The following ASCC2 variants were observed in gnomAD, a reference collection of about 807,000 sequenced individuals.
The protein encoded by ASCC2 is ASC-1 complex subunit P100.
Under a neutral mutation model 93.5 loss-of-function variants are expected in ASCC2, and 42 were observed. The ratio of observed to expected loss-of-function variants is 0.45; its 90% CI spans 0.35 to 0.58. ASCC2 has a LOEUF of 0.58. ASCC2 is among the 20% of genes least tolerant of loss of function. ASCC2 has a pLI of 0.00. For synonymous variants in ASCC2, 364 were observed against 384.2 expected, an observed-to-expected ratio of 0.95 and a Z score of 0.62; for missense variants, 859 against 977.6, an observed-to-expected ratio of 0.88 and a Z score of 1.62.
intron 2 of ASCC2, among the ~76,000 whole-genome samples, chr22:29,829,624 G>A (rs1195034194): frequency 3.9e-5 from 6 of 151,948 alleles, no homozygotes; most frequent in East Asian, 1.9e-4. Context: ...ACTTGAACCC[G>A]GGAGGCGGAG....
At chr22:29,808,685 T>C (rs1038554320) in intron 8 of ASCC2, among the ~76,000 whole-genome samples, 1 of 151,522 alleles carries the variant, frequency 6.6e-6, no homozygotes, top group Admixed American at 6.6e-5. Context: ...TAGCCAGGCA[T>C]GGTGGTCCAC....
intron 2 of ASCC2, among the ~76,000 whole-genome samples, chr22:29,826,897 AC>A (rs1192498096): frequency 2.6e-5 from 4 of 151,916 alleles, no homozygotes; most frequent in Non-Finnish European, 5.9e-5. Flanking sequence ...GGAGATCGAG[AC>A]CATCCTGGCT....
intron 19 of ASCC2, 30 bp downstream of exon 19, chr22:29,790,438 TC>T: frequency 1.2e-6 from 2 of 1,611,282 alleles, no homozygotes; most frequent in Non-Finnish European, 1.7e-6. Flanking sequence ...GTGGGAGGGG[TC>T]CCCCCAGAAG....
intron 13 of ASCC2, among the ~76,000 whole-genome samples, chr22:29,803,073 C>T (rs2059277769): frequency 6.6e-6 from 1 of 151,758 alleles, no homozygotes; most frequent in Non-Finnish European, 1.5e-5. Context: ...ATGGTGAAAC[C>T]CCATCTCTGC....
intron 8 of ASCC2, among the ~76,000 whole-genome samples, chr22:29,812,647 C>T (rs1032440879): frequency 6.6e-6 from 1 of 152,154 alleles, no homozygotes; most frequent in African/African-American, 2.4e-5. Context: ...GTGTCCCCAC[C>T]CTCTGCCTCA....
intron 5 of ASCC2, among the ~76,000 whole-genome samples, chr22:29,820,570 G>C (rs1015125774): frequency 2.8e-4 from 43 of 152,020 alleles, no homozygotes; most frequent in Non-Finnish European, 1.2e-4. Flanking sequence ...TCTGGTAACT[G>C]CTTTCCTGCT....
At chr22:29,806,106 A>G in intron 12 of ASCC2, 110 bp downstream of exon 12, 2 of 1,233,894 alleles carry the variant, frequency 1.6e-6, no homozygotes, top group South Asian at 2.5e-5. Context: ...TGGCTGACCC[A>G]TGCGTTCTGG....
chr22:29,809,540 G>T (rs2060059511), intron 8 of ASCC2, among the ~76,000 whole-genome samples: 1 of 152,038 alleles, frequency 6.6e-6, no homozygotes, highest in South Asian at 2.1e-4. Context: ...AGCACTGTGG[G>T]AGGCTGAGGT....
Position 29,790,544 on chromosome 22 carries a change from T to C in ASCC2, c.2027A>G (p.Asp676Gly). ...DDADEEAPKP[D>G]HFVQDPAVLR... Reference sequence around the variant, plus strand: ...CACTGCAGGGTCCTGAACAAAATGGTCGGGCTGTGGAAAGGAGAGGAGACC... The same window carrying C: ...CACTGCAGGGTCCTGAACAAAATGGCCGGGCTGTGGAAAGGAGAGGAGACC... The change falls in exon 19 of 20, where the codon GAC (aspartate) becomes GGC (glycine). Residue 676 changes from aspartate (D) to glycine (G), a missense_variant. Physicochemically the swap from Asp to Gly is moderately conservative, Grantham distance 94. Coordinates refer to ENST00000307790, the MANE Select transcript of ASCC2 (RefSeq NM_032204.5). 6 of 1,613,978 alleles carry C rather than the reference T, an allele frequency of 3.7e-6. No individual in the cohort carries two copies. Among genetic ancestry groups the C allele is most frequent in the Non-Finnish European group, 5.1e-6 (6 of 1,179,994 alleles).
intron 8 of ASCC2, 81 bp from the exon 9 acceptor site, chr22:29,808,266 G>A: frequency 7.2e-7 from 1 of 1,389,182 alleles, no homozygotes; most frequent in Non-Finnish European, 1.0e-6. Flanking sequence ...AAACCCCAGG[G>A]AGTGGGAAGG....
intron 19 of ASCC2, 78 bp from the exon 20 acceptor site, chr22:29,789,262 G>T: frequency 6.5e-7 from 1 of 1,542,836 alleles, no homozygotes. Flanking sequence ...AGCCTGCCTT[G>T]GTGTTCACTG....
chr22:29,797,436 A>G (rs948231172), intron 15 of ASCC2, among the ~76,000 whole-genome samples: 7 of 152,212 alleles, frequency 4.6e-5, no homozygotes, highest in Non-Finnish European at 1.0e-4. Flanking sequence ...GGATCCAGAG[A>G]GGCAGAGCAA....
intron 2 of ASCC2, among the ~76,000 whole-genome samples, chr22:29,828,934 G>A (rs899308164): frequency 2.0e-5 from 3 of 152,102 alleles, no homozygotes; most frequent in Admixed American, 1.3e-4. Context: ...CAGCACTTTC[G>A]GAGGCCAAGT....
At chr22:29,822,229 A>G (rs1190772810) in intron 5 of ASCC2, 106 bp downstream of exon 5, 29 of 1,469,184 alleles carry the variant, frequency 2.0e-5, no homozygotes, top group Non-Finnish European at 2.6e-5. Context: ...CCCTGCCCCT[A>G]TCGCCCTGAG....
intron 7 of ASCC2, 111 bp from the exon 8 acceptor site, chr22:29,813,653 C>T: frequency 2.7e-6 from 2 of 732,916 alleles, no homozygotes; most frequent in Non-Finnish European, 4.7e-6. Context: ...CAGGATGTTA[C>T]ACAGGAGGAA....
At chr22:29,815,885 C>T (rs978799767) in intron 6 of ASCC2, 121 bp downstream of exon 6, 28 of 799,264 alleles carry the variant, frequency 3.5e-5, no homozygotes, top group African/African-American at 2.1e-4. Context: ...TGGGGAGATG[C>T]GAGAGTCAGG....
intron 14 of ASCC2, 46 bp downstream of exon 14, chr22:29,801,948 G>A (rs200199291): frequency 4.6e-6 from 7 of 1,528,842 alleles, no homozygotes; most frequent in East Asian, 4.9e-5. Flanking sequence ...GCCCCACCCC[G>A]AGGCAGCCTG....
intron 15 of ASCC2, among the ~76,000 whole-genome samples, chr22:29,794,407 G>A (rs2058165249): frequency 6.6e-6 from 1 of 151,812 alleles, no homozygotes; most frequent in Non-Finnish European, 1.5e-5. Context: ...CAGGAGAATC[G>A]CTTGAAGCTG....
intron 10 of ASCC2, 30 bp from the exon 11 acceptor site, chr22:29,806,583 C>A: frequency 1.3e-6 from 2 of 1,597,772 alleles, no homozygotes; most frequent in South Asian, 2.2e-5. Context: ...AAGATGAGCT[C>A]ATGCAATGCA....
Sources: gnomAD v4.1 joint callset for allele counts (sites outside exome capture counted in the v4.1 genomes callset) on GRCh38, gnomAD v4.1.1 for gene constraint, MANE v1.5 for transcripts, NCBI Gene and HGNC (gene_info 2026-07-23, HGNC 2026-07-21) for gene names.